Variants in PDE4B observed in about 807,000 individuals in gnomAD.
PDE4B encodes 3',5'-cyclic-AMP phosphodiesterase 4B.
A neutral mutation model predicts 82.2 loss-of-function variants in PDE4B; 20 were observed. The observed-to-expected ratio is 0.24, with a 90% CI of 0.17 to 0.35. The LOEUF is 0.35. PDE4B is among the 10% of genes least tolerant of loss of function. The probability of loss-of-function intolerance (pLI) is 1.00; values close to 1 mark genes in which losing one functional copy is unlikely to be tolerated. For missense variants in PDE4B, 655 were observed against 907.2 expected, an observed-to-expected ratio of 0.72 and a Z score of 3.57; for synonymous variants, 320 against 318.9, an observed-to-expected ratio of 1.00 and a Z score of -0.04.
chr1:65,981,763 C>T (rs1650702507), intron 3 of PDE4B, among the ~76,000 whole-genome samples: 1 of 152,042 alleles, frequency 6.6e-6, no homozygotes, highest in Admixed American at 6.6e-5. Flanking sequence ...ATAAAATTAA[C>T]TAGTACATAG....
chr1:66,001,780 T>G (rs1367050121), intron 3 of PDE4B, among the ~76,000 whole-genome samples: 1 of 152,198 alleles, frequency 6.6e-6, no homozygotes, highest in African/African-American at 2.4e-5. Flanking sequence ...TGGAGTGCAG[T>G]GGCATGATCT....
chr1:66,169,571 A>G (rs931372502), intron 3 of PDE4B, among the ~76,000 whole-genome samples: 4 of 152,208 alleles, frequency 2.6e-5, no homozygotes, highest in African/African-American at 9.6e-5. Flanking sequence ...CTCATGGTGC[A>G]CTGAATGAGC....
chr1:65,926,869 A>G (rs1647532173), intron 3 of PDE4B, among the ~76,000 whole-genome samples: 1 of 152,186 alleles, frequency 6.6e-6, no homozygotes, highest in Admixed American at 6.5e-5. Flanking sequence ...AAGAAATCAA[A>G]TAATAAAAAC....
At chr1:66,108,000 AT>A (rs1240174427) in intron 3 of PDE4B, among the ~76,000 whole-genome samples, 6 of 152,112 alleles carry the variant, frequency 3.9e-5, no homozygotes, top group African/African-American at 1.2e-4. Context: ...AATTATACAT[AT>A]TTATGGTACA....
intron 11 of PDE4B, 42 bp downstream of exon 11, chr1:66,363,308 C>T (rs958523220): frequency 1.3e-6 from 2 of 1,537,792 alleles, no homozygotes; most frequent in South Asian, 2.3e-5. Flanking sequence ...AATTGGATGG[C>T]TCTTTATGAT....
At chr1:66,345,074 C>G (rs1661290155) in intron 8 of PDE4B, among the ~76,000 whole-genome samples, 1 of 152,202 alleles carries the variant, frequency 6.6e-6, no homozygotes, top group Non-Finnish European at 1.5e-5. Context: ...TCTCGTATGA[C>G]ACTCACCCTG....
chr1:65,869,220 C>T lies in PDE4B; in HGVS notation c.-70-44025C>T, dbSNP rs1458738566. On this transcript the variant is annotated intron_variant, in intron 1 of 16. Coordinates refer to ENST00000341517, the MANE Select transcript of PDE4B (RefSeq NM_002600.4). Reference sequence around the variant, plus strand: ...AATCTATCCCATTTACATTAGTTCACATCTCAAATATGTTATCTTGAGCAA... The same window carrying T: ...AATCTATCCCATTTACATTAGTTCATATCTCAAATATGTTATCTTGAGCAA... Among the ~76,000 whole-genome samples the T allele has an allele frequency of 2.0e-5, 3 of 152,224 alleles. No individual in the cohort carries two copies. In the East Asian group the frequency reaches 5.8e-4, roughly 29 times the overall value.
chr1:65,794,955 T>C (rs146101517), intron 1 of PDE4B, among the ~76,000 whole-genome samples: 14 of 152,362 alleles, frequency 9.2e-5, no homozygotes, highest in African/African-American at 3.1e-4. Flanking sequence ...AAAAATGAAT[T>C]GTCTTAAATT....
intron 3 of PDE4B, chr1:66,112,932 TGCTGCCCC>T (rs1479702973): frequency 6.6e-6 from 1 of 152,222 alleles, no homozygotes; most frequent in African/African-American, 2.4e-5. Context: ...CCAAAGCTAG[TGCTGCCCC>T]AAGCGATGGG....
At chr1:65,986,899 A>G (rs1650984104) in intron 3 of PDE4B, among the ~76,000 whole-genome samples, 1 of 152,142 alleles carries the variant, frequency 6.6e-6, no homozygotes, top group South Asian at 2.1e-4. Context: ...TCATGAAGCA[A>G]GCGATATTTG....
intron 3 of PDE4B, among the ~76,000 whole-genome samples, chr1:66,187,162 C>T (rs1318537029): frequency 6.6e-6 from 1 of 152,106 alleles, no homozygotes; most frequent in Non-Finnish European, 1.5e-5. Context: ...TTGAACCAGC[C>T]TTGCATCCCA....
intron 3 of PDE4B, among the ~76,000 whole-genome samples, chr1:66,102,565 G>C (rs1645249028): frequency 6.6e-6 from 1 of 152,004 alleles, no homozygotes; most frequent in African/African-American, 2.4e-5. Context: ...AATCCCCGGG[G>C]CTATTCTAAA....
intron 3 of PDE4B, among the ~76,000 whole-genome samples, chr1:66,012,031 T>G (rs1201768069): frequency 1.3e-5 from 2 of 152,146 alleles, no homozygotes; most frequent in Non-Finnish European, 2.9e-5. Flanking sequence ...CCCTTTTGTA[T>G]TATAATAATG....
chr1:65,925,404 A>G (rs1250604190), intron 3 of PDE4B, among the ~76,000 whole-genome samples: 3 of 152,172 alleles, frequency 2.0e-5, no homozygotes, highest in Non-Finnish European at 2.9e-5. Context: ...AAGTATACCT[A>G]TCATAAGAGG....
At chr1:65,850,327 C>A (rs971724361) in intron 1 of PDE4B, among the ~76,000 whole-genome samples, 1 of 151,926 alleles carries the variant, frequency 6.6e-6, no homozygotes, top group Non-Finnish European at 1.5e-5. Context: ...GAACTCCTGA[C>A]CTCAGGTGAT....
intron 1 of PDE4B, among the ~76,000 whole-genome samples, chr1:65,802,131 C>A (rs939833310): frequency 2.6e-5 from 4 of 152,080 alleles, no homozygotes; most frequent in African/African-American, 9.7e-5. Flanking sequence ...TTGGGAGTAA[C>A]CAATAATTTG....
intron 1 of PDE4B, among the ~76,000 whole-genome samples, chr1:65,877,707 T>C (rs1171327429): frequency 6.6e-6 from 1 of 151,680 alleles, no homozygotes; most frequent in African/African-American, 2.4e-5. Flanking sequence ...ACTGGACCCA[T>C]TCCTTACACC....
intron 3 of PDE4B, among the ~76,000 whole-genome samples, chr1:65,999,676 A>G (rs540289965): frequency 1.1e-4 from 16 of 152,184 alleles, no homozygotes; most frequent in Middle Eastern, 3.4e-3. Context: ...TATTTGTTAT[A>G]TTGTCTTATC....
At chr1:66,093,029 C>G (rs1420034386) in intron 3 of PDE4B, among the ~76,000 whole-genome samples, 1 of 152,030 alleles carries the variant, frequency 6.6e-6, no homozygotes, top group African/African-American at 2.4e-5. Context: ...AAAAAATCAC[C>G]TAAGACTTTG....
Sources: gnomAD v4.1 joint callset for allele counts (sites outside exome capture counted in the v4.1 genomes callset) on GRCh38, gnomAD v4.1.1 for gene constraint, MANE v1.5 for transcripts, NCBI Gene and HGNC (gene_info 2026-07-23, HGNC 2026-07-21) for gene names.